The following GATAD2B variants were observed in gnomAD, a reference collection of about 807,000 sequenced individuals.
GATAD2B encodes the protein GATA zinc finger domain containing 2B, also known as transcriptional repressor p66-beta.
A neutral mutation model predicts 64.3 loss-of-function variants in GATAD2B; 8 were observed. That is an observed-to-expected ratio of 0.12 (90% CI 0.07 to 0.22). The LOEUF is 0.22. Ranked by LOEUF, GATAD2B falls within the 10% of genes least tolerant of loss-of-function variation. GATAD2B has a pLI of 1.00. For synonymous variants in GATAD2B, 281 were observed against 271.3 expected, an observed-to-expected ratio of 1.04 and a Z score of -0.35; for missense variants, 453 against 752.0, an observed-to-expected ratio of 0.60 and a Z score of 4.65.
intron 1 of GATAD2B, among the ~76,000 whole-genome samples, chr1:153,917,041 C>T (rs534542049): frequency 2.7e-5 from 4 of 150,672 alleles, no homozygotes; most frequent in Admixed American, 2.0e-4. Flanking sequence ...CTCCTGACCT[C>T]GTGATCTACC....
At chr1:153,914,336 C>T (rs1257433709) in intron 1 of GATAD2B, among the ~76,000 whole-genome samples, 1 of 149,880 alleles carries the variant, frequency 6.7e-6, no homozygotes, top group Non-Finnish European at 1.5e-5. Context: ...GTAACCTTTA[C>T]ATGCATTATC....
At chr1:153,887,237 T>C (rs1677210388) in intron 1 of GATAD2B, among the ~76,000 whole-genome samples, 1 of 152,188 alleles carries the variant, frequency 6.6e-6, no homozygotes, top group Non-Finnish European at 1.5e-5. Flanking sequence ...CACCAGGCAA[T>C]CAAGCACTAA....
At chr1:153,866,509 C>T (rs1211185026) in intron 1 of GATAD2B, among the ~76,000 whole-genome samples, 1 of 152,160 alleles carries the variant, frequency 6.6e-6, no homozygotes. Flanking sequence ...TGGTCTTGCA[C>T]CATCTCCAAC....
intron 1 of GATAD2B, among the ~76,000 whole-genome samples, chr1:153,911,936 A>G (rs1056900542): frequency 2.6e-5 from 4 of 152,162 alleles, no homozygotes; most frequent in Admixed American, 1.3e-4. Context: ...AGTCACACAT[A>G]AGCTACATTT....
At chr1:153,810,776 TTATC>T in intron 10 of GATAD2B, among the ~76,000 whole-genome samples, 1 of 150,728 alleles carries the variant, frequency 6.6e-6, no homozygotes, top group Middle Eastern at 3.7e-3. Context: ...GTTTGCTTAT[TTATC>T]TGAGACAGAA....
At chr1:153,841,174 A>C (rs1307817494) in intron 1 of GATAD2B, among the ~76,000 whole-genome samples, 1 of 152,062 alleles carries the variant, frequency 6.6e-6, no homozygotes, top group Non-Finnish European at 1.5e-5. Flanking sequence ...GAGATAAAGA[A>C]GATCTCATGT....
chr1:153,878,176 C>CTTTT (rs1158118446), intron 1 of GATAD2B, among the ~76,000 whole-genome samples: 1 of 135,052 alleles, frequency 7.4e-6, no homozygotes, highest in African/African-American at 2.7e-5. Context: ...TTTTTTTTTT[C>CTTTT]TTTTTTTTTT....
Position 153,829,181 on chromosome 1 carries a change from G to A in GATAD2B, c.-1-833C>T, listed in dbSNP as rs554051286. Among the ~76,000 whole-genome samples, 16 of 152,168 alleles carry A rather than the reference G, an allele frequency of 1.1e-4. No homozygotes were observed. The South Asian group carries it at 1.5e-3, about 14-fold the overall frequency. ...ATCGTACCACTGAACTCCAGCTAGG[G>A]CGATACAGCGAGGCTCTCTCTCCAG... On this transcript the variant is annotated intron_variant, in intron 1 of 10. Transcript: ENST00000368655.
intron 1 of GATAD2B, among the ~76,000 whole-genome samples, chr1:153,881,029 C>G (rs1367814388): frequency 6.6e-6 from 1 of 151,972 alleles, no homozygotes; most frequent in Admixed American, 6.6e-5. Flanking sequence ...CTCTAAGCCT[C>G]CCCCCTCCCT....
chr1:153,856,615 T>A (rs1557806588), intron 1 of GATAD2B, among the ~76,000 whole-genome samples: 1 of 152,082 alleles, frequency 6.6e-6, no homozygotes, highest in Non-Finnish European at 1.5e-5. Flanking sequence ...GGATTCCTTT[T>A]TCTAAAAATG....
intron 1 of GATAD2B, among the ~76,000 whole-genome samples, chr1:153,849,432 C>G (rs1470350802): frequency 6.6e-6 from 1 of 152,208 alleles, no homozygotes; most frequent in East Asian, 1.9e-4. Flanking sequence ...CAAACATTCA[C>G]AAGATAGCAG....
intron 1 of GATAD2B, among the ~76,000 whole-genome samples, chr1:153,857,044 G>T (rs999271127): frequency 6.6e-6 from 1 of 151,864 alleles, no homozygotes; most frequent in Non-Finnish European, 1.5e-5. Context: ...AAGAAACCTG[G>T]ACTACTATGT....
At chr1:153,897,530 G>T (rs1480889110) in intron 1 of GATAD2B, among the ~76,000 whole-genome samples, 2 of 152,136 alleles carry the variant, frequency 1.3e-5, no homozygotes, top group African/African-American at 4.8e-5. Flanking sequence ...TACCCAATGT[G>T]GGTGCAAGAG....
chr1:153,828,430 T>C, intron 1 of GATAD2B, 82 bp from the exon 2 acceptor site: 1 of 929,768 alleles, frequency 1.1e-6, no homozygotes, highest in Non-Finnish European at 1.6e-6. Context: ...GGTGAAGTTA[T>C]TAACAAGAAT....
At chr1:153,904,376 TG>T (rs1423977512) in intron 1 of GATAD2B, among the ~76,000 whole-genome samples, 2 of 151,926 alleles carry the variant, frequency 1.3e-5, no homozygotes, top group African/African-American at 2.4e-5. Flanking sequence ...AAAACAGTGA[TG>T]GGGTTTAAAA....
At chr1:153,848,679 C>A (rs571882245) in intron 1 of GATAD2B, among the ~76,000 whole-genome samples, 12 of 152,262 alleles carry the variant, frequency 7.9e-5, no homozygotes, top group South Asian at 2.1e-4. Flanking sequence ...GTCCATTATG[C>A]ATGGTGGCTA....
chr1:153,821,340 A>G (rs1674678223), intron 2 of GATAD2B, among the ~76,000 whole-genome samples: 2 of 152,090 alleles, frequency 1.3e-5, no homozygotes, highest in Admixed American at 1.3e-4. Flanking sequence ...CAATTTCCTA[A>G]CAGGGTAAAT....
At chr1:153,852,714 T>A in intron 1 of GATAD2B, 1 of 932,480 alleles carries the variant, frequency 1.1e-6, no homozygotes, top group Non-Finnish European at 1.8e-6. Flanking sequence ...AGCCTGCTCA[T>A]ACGAAGTGAA....
At chr1:153,849,362 G>C (rs1281613813) in intron 1 of GATAD2B, among the ~76,000 whole-genome samples, 1 of 152,150 alleles carries the variant, frequency 6.6e-6, no homozygotes, top group Non-Finnish European at 1.5e-5. Context: ...ACTTCTTAAA[G>C]GTCCCACTTC....
Sources: allele counts gnomAD v4.1 joint callset (sites outside exome capture counted in the v4.1 genomes callset), GRCh38; gene constraint gnomAD v4.1.1; transcripts MANE v1.5; gene names NCBI Gene and HGNC (gene_info 2026-07-23, HGNC 2026-07-21).